Variants in ADAMTS20 observed in about 807,000 individuals in gnomAD.
ADAMTS20 encodes ADAM metallopeptidase with thrombospondin type 1 motif 20.
ADAMTS20 carries 225 observed loss-of-function variants against 260.1 expected under a neutral mutation model. That is an observed-to-expected ratio of 0.87 (90% CI 0.78 to 0.97). The LOEUF is 0.97. Ranked by LOEUF, ADAMTS20 falls within the 50% of genes least tolerant of loss-of-function variation. The probability of loss-of-function intolerance (pLI) is 0.00; values close to 1 mark genes in which losing one functional copy is unlikely to be tolerated. For missense variants in ADAMTS20, 2,400 were observed against 2,337.7 expected (o/e 1.03, Z -0.55); for synonymous variants, 802 against 769.5 (o/e 1.04, Z -0.70).
At chr12:43,542,783 G>C (rs1943393519) in intron 2 of ADAMTS20, among the ~76,000 whole-genome samples, 1 of 152,200 alleles carries the variant, frequency 6.6e-6, no homozygotes, top group South Asian at 2.1e-4. Context: ...GTTTTAGAGG[G>C]ATTATACTGT....
intron 21 of ADAMTS20, 136 bp downstream of exon 21, chr12:43,432,168 T>G: frequency 9.8e-7 from 1 of 1,023,468 alleles, no homozygotes; most frequent in Admixed American, 2.9e-5. Flanking sequence ...CTTATAAATT[T>G]CTGACAGCTT....
chr12:43,479,979 G>A (rs143406377), intron 7 of ADAMTS20, among the ~76,000 whole-genome samples: 1 of 151,998 alleles, frequency 6.6e-6, no homozygotes, highest in African/African-American at 2.4e-5. Flanking sequence ...GAGTGAGAAA[G>A]CTTAAAACAA....
chr12:43,441,921 T>C (rs1375609131), intron 16 of ADAMTS20, among the ~76,000 whole-genome samples: 1 of 152,202 alleles, frequency 6.6e-6, no homozygotes, highest in Non-Finnish European at 1.5e-5. Context: ...TCTTTATGTA[T>C]TACGCTGAAT....
chr12:43,488,668 T>G (rs988813580), intron 7 of ADAMTS20, among the ~76,000 whole-genome samples: 6 of 152,200 alleles, frequency 3.9e-5, no homozygotes, highest in African/African-American at 1.4e-4. Context: ...ACATTGTGCT[T>G]GGCTTATAAG....
Position 43,376,295 on chromosome 12 carries a change from T to C in ADAMTS20, c.5161A>G (p.Lys1721Glu), listed in dbSNP as rs1205413375. 6.4e-7 allele frequency: 1 copy of C among 1,555,534 alleles called. No individual in the cohort carries two copies. The highest frequency in any genetic ancestry group is 1.9e-5 in the Admixed American group (1 of 51,286). Reference sequence around the variant, plus strand: ...TCACCATCCTTTCTAATGTGGTTTTTCACTTGAATTTCTTTGCAGGTGGTA... The same window carrying C: ...TCACCATCCTTTCTAATGTGGTTTTCCACTTGAATTTCTTTGCAGGTGGTA... Reference protein sequence around the residue: ...SFTTCKEIQVKNHIRKDGDYY... With the variant: ...SFTTCKEIQVENHIRKDGDYY... Residue 1721 changes from lysine (K) to glutamate (E), a missense_variant, in exon 34 of 39, where the codon AAA (lysine) becomes GAA (glutamate). By Grantham distance (56) the Lys-to-Glu change is moderately conservative. Transcript: ENST00000389420.
chr12:43,414,999 A>G (rs931145355), intron 28 of ADAMTS20, among the ~76,000 whole-genome samples: 2 of 152,198 alleles, frequency 1.3e-5, no homozygotes, highest in Non-Finnish European at 2.9e-5. Context: ...CATACAAGTT[A>G]TATACAAGTC....
intron 3 of ADAMTS20, among the ~76,000 whole-genome samples, chr12:43,503,972 A>G (rs1038499663): frequency 1.3e-5 from 2 of 152,148 alleles, no homozygotes; most frequent in South Asian, 2.1e-4. Context: ...ACCGATGGGC[A>G]TTTAGGTTGG....
At chr12:43,400,719 A>T (rs1402761896) in intron 28 of ADAMTS20, among the ~76,000 whole-genome samples, 1 of 152,014 alleles carries the variant, frequency 6.6e-6, no homozygotes, top group Admixed American at 6.6e-5. Flanking sequence ...TACTAAAAAA[A>T]AAAATTCAAA....
intron 28 of ADAMTS20, among the ~76,000 whole-genome samples, chr12:43,406,497 T>A (rs889368211): frequency 5.3e-5 from 8 of 152,084 alleles, no homozygotes; most frequent in Non-Finnish European, 1.0e-4. Context: ...ACATATTAAA[T>A]CAGGAAATGA....
At chr12:43,391,761 A>G (rs922059159) in intron 29 of ADAMTS20, among the ~76,000 whole-genome samples, 2 of 152,190 alleles carry the variant, frequency 1.3e-5, no homozygotes, top group Non-Finnish European at 2.9e-5. Context: ...AACAGTAAAT[A>G]TATATCTGCA....
intron 28 of ADAMTS20, among the ~76,000 whole-genome samples, chr12:43,408,029 A>G (rs2137265438): frequency 6.6e-6 from 1 of 152,318 alleles, no homozygotes; most frequent in Middle Eastern, 3.4e-3. Flanking sequence ...TCATCCAGTA[A>G]CATGAACCTT....
chr12:43,466,848 T>A lies in ADAMTS20; in HGVS notation c.1224-53A>T, dbSNP rs886922613. The A allele has an allele frequency of 3.8e-6, 5 of 1,309,028 alleles. No homozygotes were observed. The African/African-American group carries it at 7.4e-5, about 19-fold the overall frequency. The allele number at this position is 1,309,028 out of a possible 1,614,324, so 81.1% of individuals were successfully genotyped here. Reference sequence around the variant, plus strand: ...GAATATCAAAAGATGCTTACGATATTAGTAATAGATCCTTTATAGTCACAT... The same window carrying A: ...GAATATCAAAAGATGCTTACGATATAAGTAATAGATCCTTTATAGTCACAT... On this transcript the variant is annotated intron_variant, in intron 8 of 38. Transcript: ENST00000389420.
intron 37 of ADAMTS20, among the ~76,000 whole-genome samples, chr12:43,367,121 A>G (rs1156448578): frequency 6.6e-6 from 1 of 151,972 alleles, no homozygotes; most frequent in Non-Finnish European, 1.5e-5. Context: ...AATTCTACCA[A>G]ACATATAAAG....
rs746321032 is a variant in ADAMTS20 at position 43,428,459 on chromosome 12, C to T, written c.3727G>A (p.Glu1243Lys). The change falls in exon 26 of 39, where the codon GAG becomes AAG. Residue 1243 changes from glutamate (E) to lysine (K), a missense_variant. Transcript: ENST00000389420. The part of the protein sequence containing the change: ...LCMNYHQPID[E>K]NYCDPEVRPL... ...CGAACTTCAGGATCACAGTAATTCT[C>T]ATCAATTGGCTGATGGTAGTTCATG... 6.2e-7 allele frequency: 1 copy of T among 1,613,910 alleles called. No homozygotes were observed.
rs970458702 is a variant in ADAMTS20 at position 43,463,106 on chromosome 12, A to G, written c.1510-107T>C. 3 of 737,228 alleles carry G rather than the reference A, an allele frequency of 4.1e-6. No homozygotes were observed. In the African/African-American group the frequency reaches 5.3e-5, roughly 13 times the overall value. The allele number at this position is 737,228 out of a possible 1,614,324, so 45.7% of individuals were successfully genotyped here. A position where few individuals can be genotyped will look rare whatever the true frequency, so the allele number is the denominator to read the frequency against. On this transcript the variant is annotated intron_variant, in intron 10 of 38. Coordinates refer to ENST00000389420, the MANE Select transcript of ADAMTS20 (RefSeq NM_025003.5). ...ATAAATTGATCTGTTACCTAGTTCC[A>G]TGGTATAAGCTGAAACTAATCAGCA... is the stretch of plus-strand genomic sequence containing the variant.
intron 2 of ADAMTS20, among the ~76,000 whole-genome samples, chr12:43,548,532 C>CT (rs35294963): frequency 0.23 from 35,281 of 152,000 alleles, 4,889 homozygotes; most frequent in Non-Finnish European, 0.32. Flanking sequence ...CTACCAGGTT[C>CT]TATTATTTGA....
intron 28 of ADAMTS20, among the ~76,000 whole-genome samples, chr12:43,403,001 G>A (rs1940839738): frequency 6.6e-6 from 1 of 152,024 alleles, no homozygotes; most frequent in African/African-American, 2.4e-5. Flanking sequence ...GCAGACAAAT[G>A]TCTAAGATAA....
chr12:43,524,694 A>T (rs1056978072), intron 3 of ADAMTS20, among the ~76,000 whole-genome samples: 2 of 152,244 alleles, frequency 1.3e-5, no homozygotes, highest in East Asian at 3.8e-4. Context: ...AATGAAAGAT[A>T]TACTTAGGGA....
At chr12:43,548,657 T>G (rs182901948) in intron 2 of ADAMTS20, among the ~76,000 whole-genome samples, 38 of 152,260 alleles carry the variant, frequency 2.5e-4, no homozygotes, top group African/African-American at 8.9e-4. Context: ...AAGCAAAATT[T>G]TTAAAAAGTC....
Sources: allele counts gnomAD v4.1 joint callset (sites outside exome capture counted in the v4.1 genomes callset), GRCh38; gene constraint gnomAD v4.1.1; transcripts MANE v1.5; gene names NCBI Gene and HGNC (gene_info 2026-07-23, HGNC 2026-07-21).